IFT122: variants seen among roughly 807,000 people sequenced by gnomAD.
The protein encoded by IFT122 is intraflagellar transport protein 122 homolog.
Under a neutral mutation model 161.6 loss-of-function variants are expected in IFT122, and 118 were observed. The observed-to-expected ratio is 0.73, with a 90% confidence interval of 0.63 to 0.85. IFT122 has a LOEUF of 0.85. IFT122 is among the 40% of genes least tolerant of loss of function. The pLI, the probability that IFT122 is intolerant of heterozygous loss-of-function variation, is 0.00. For missense variants in IFT122, 1,381 were observed against 1,579.6 expected (o/e 0.87, Z 2.13); for synonymous variants, 550 against 602.4 (o/e 0.91, Z 1.27).
At chr3:129,461,394 C>T (rs2076201412) in intron 5 of IFT122, 90 bp downstream of exon 5, 1 of 940,100 alleles carries the variant, frequency 1.1e-6, no homozygotes, top group Admixed American at 1.7e-5. Flanking sequence ...GTGATTTTAT[C>T]CTGAGAGAGT....
chr3:129,469,968 T>TA (rs2077195656), intron 9 of IFT122, among the ~76,000 whole-genome samples: 1 of 152,168 alleles, frequency 6.6e-6, no homozygotes. Context: ...GCTGTACAGA[T>TA]AGACAGCTTT....
chr3:129,491,942 A>C (rs148873036), intron 16 of IFT122, among the ~76,000 whole-genome samples, 199 bp from the exon 17 acceptor site: 17 of 152,298 alleles, frequency 1.1e-4, no homozygotes, highest in African/African-American at 4.1e-4. Context: ...TGTTCTTTAC[A>C]TGGTCCAATC....
intron 8 of IFT122, 55 bp from the exon 9 acceptor site, chr3:129,469,285 CTA>C (rs2077122161): frequency 1.4e-6 from 2 of 1,416,398 alleles, no homozygotes; most frequent in Non-Finnish European, 2.0e-6. Context: ...GCCCTTAGAG[CTA>C]TACTCATCAG....
At chr3:129,467,180 C>G in intron 8 of IFT122, 114 bp downstream of exon 8, 3 of 979,038 alleles carry the variant, frequency 3.1e-6, no homozygotes, top group Non-Finnish European at 4.7e-6. Context: ...CTAGGGGGAA[C>G]TGTGGGTGAA....
chr3:129,516,694 G>GCGCACGCA (rs1243629398), intron 26 of IFT122, among the ~76,000 whole-genome samples: 4 of 50,184 alleles, frequency 8.0e-5, no homozygotes, highest in African/African-American at 4.3e-4. Flanking sequence ...GATTGCTCCT[G>GCGCACGCA]CACACACACA....
intron 25 of IFT122, 198 bp from the exon 26 acceptor site, chr3:129,515,290 A>G (rs1289285206): frequency 1.7e-5 from 11 of 633,886 alleles, no homozygotes; most frequent in Non-Finnish European, 2.6e-5. Context: ...CCCAAGTGAC[A>G]GGGCTTGGGT....
At chr3:129,460,282 T>C (rs1438579986) in intron 4 of IFT122, among the ~76,000 whole-genome samples, 1 of 152,212 alleles carries the variant, frequency 6.6e-6, no homozygotes, top group Non-Finnish European at 1.5e-5. Context: ...TTTGACTGCT[T>C]TACATACCTC....
At chr3:129,516,330 CAG>C (rs1200271740) in intron 26 of IFT122, among the ~76,000 whole-genome samples, 12 of 140,756 alleles carry the variant, frequency 8.5e-5, no homozygotes, top group African/African-American at 1.9e-4. Flanking sequence ...TGCACACACA[CAG>C]AGACTGCCCC....
At chr3:129,478,735 CTG>C (rs2078276102) in intron 12 of IFT122, among the ~76,000 whole-genome samples, 1 of 152,180 alleles carries the variant, frequency 6.6e-6, no homozygotes, top group East Asian at 1.9e-4. Flanking sequence ...GTGTGAGCCA[CTG>C]TGTCTAGCCA....
intron 7 of IFT122, among the ~76,000 whole-genome samples, chr3:129,465,307 A>T (rs1030006962): frequency 3.9e-5 from 6 of 151,966 alleles, no homozygotes; most frequent in African/African-American, 1.5e-4. Context: ...TAGCTTTTTC[A>T]TGAGCCTTTT....
intron 2 of IFT122, 22 bp downstream of exon 2, chr3:129,449,959 C>G (rs2074551834): frequency 6.5e-7 from 1 of 1,539,828 alleles, no homozygotes; most frequent in Non-Finnish European, 9.0e-7. Flanking sequence ...TCTTAGTTTC[C>G]TCTTAAAGTG....
At chr3:129,445,587 G>T (rs2107836221) in intron 1 of IFT122, among the ~76,000 whole-genome samples, 1 of 152,328 alleles carries the variant, frequency 6.6e-6, no homozygotes, top group Middle Eastern at 3.4e-3. Context: ...AAGGATAACA[G>T]ATTTGACATA....
At chr3:129,456,242 A>T (rs1411174386) in intron 3 of IFT122, 1 of 1,282,840 alleles carries the variant, frequency 7.8e-7, no homozygotes, top group East Asian at 5.6e-5. Flanking sequence ...ACCTACCAGG[A>T]TGAGGGAGGA....
At position 129,469,360 on chromosome 3, in the gene IFT122, C is replaced by T. The variant is rs758028553; in HGVS notation, c.759C>T (p.Ile253=). Residue 253 remains isoleucine, a synonymous_variant, in exon 9 of 30, where the codon ATC becomes ATT. Transcript: ENST00000348417. ...RDDNLEERND[I]LAVADWGQKV... ...TGATTAGAGAGGAACGTAATGACAT[C>T]CTGGCTGTGGCTGACTGGGGACAGA... 2.5e-6 allele frequency: 4 copies of T among 1,614,050 alleles called. No individual in the cohort carries two copies. The South Asian group carries it at 4.4e-5, about 18-fold the overall frequency.
At chr3:129,484,422 G>A (rs911069135) in intron 15 of IFT122, among the ~76,000 whole-genome samples, 9 of 152,232 alleles carry the variant, frequency 5.9e-5, no homozygotes, top group African/African-American at 1.7e-4. Flanking sequence ...TCTGCTTAGC[G>A]CTTTTCTACG....
intron 20 of IFT122, 140 bp from the exon 21 acceptor site, chr3:129,504,179 T>G (rs979616290): frequency 9.8e-6 from 7 of 713,770 alleles, no homozygotes; most frequent in Admixed American, 4.6e-5. Flanking sequence ...CTGTGGGTAG[T>G]TTTTTGGGGG....
In IFT122 at chr3:129,519,140, A is replaced by T. The variant is rs751795805; in HGVS notation, c.3425A>T (p.Asp1142Val). Residue 1142 changes from aspartate (D) to valine (V), a missense_variant, in exon 28 of 30, where the codon GAC becomes GTC. By Grantham distance (152) the Asp-to-Val change is radical. Coordinates refer to ENST00000348417, the MANE Select transcript of IFT122 (RefSeq NM_052989.3). The part of the protein sequence containing the change: ...SQILRLVETK[D>V]SIGDEDPFTA... ...ATTCTGCGGCTAGTGGAGACCAAGG[A>T]CTCCATCGGAGATGAGGACCCGTTC... 3.7e-6 allele frequency: 6 copies of T among 1,613,598 alleles called. No individual in the cohort carries two copies. In the African/African-American group the frequency reaches 6.7e-5, roughly 18 times the overall value.
chr3:129,509,440 T>G (rs2082544675), intron 23 of IFT122, among the ~76,000 whole-genome samples: 1 of 152,248 alleles, frequency 6.6e-6, no homozygotes, highest in South Asian at 2.1e-4. Flanking sequence ...CAAAACTTCT[T>G]GAACCACCAC....
chr3:129,485,289 C>T (rs2079143853), intron 15 of IFT122, among the ~76,000 whole-genome samples: 1 of 152,200 alleles, frequency 6.6e-6, no homozygotes, highest in South Asian at 2.1e-4. Flanking sequence ...TAGGCTCTGT[C>T]AGTCTGTTTT....
Sources: allele counts gnomAD v4.1 joint callset (sites outside exome capture counted in the v4.1 genomes callset), GRCh38; gene constraint gnomAD v4.1.1; transcripts MANE v1.5; gene names NCBI Gene and HGNC (gene_info 2026-07-23, HGNC 2026-07-21).